NREP: variants seen among roughly 807,000 people sequenced by gnomAD.
The protein encoded by NREP is neuronal regeneration-related protein.
NREP carries 5 observed loss-of-function variants against 8.6 expected under a neutral mutation model. The ratio of observed to expected loss-of-function variants is 0.58; its 90% CI spans 0.30 to 1.22. The LOEUF is 1.22. Among genes scored for constraint, NREP ranks in the 50% most tolerant of loss-of-function variants. The probability of loss-of-function intolerance (pLI) is 0.07; values close to 1 mark genes in which losing one functional copy is unlikely to be tolerated. For missense variants in NREP, 86 were observed against 82.5 expected, an observed-to-expected ratio of 1.04 and a Z score of -0.17; for synonymous variants, 27 against 28.0, an observed-to-expected ratio of 0.96 and a Z score of 0.11.
intron 2 of NREP, among the ~76,000 whole-genome samples, chr5:111,812,987 A>C (rs1752303452): frequency 6.6e-6 from 1 of 152,194 alleles, no homozygotes; most frequent in African/African-American, 2.4e-5. Flanking sequence ...TTTAACCTAC[A>C]CCAGCATAAC....
chr5:111,876,389 C>T (rs1753909906), intron 2 of NREP, among the ~76,000 whole-genome samples: 1 of 152,178 alleles, frequency 6.6e-6, no homozygotes, highest in East Asian at 1.9e-4. Context: ...AGCCCAACTT[C>T]ATTGGCCATT....
At chr5:111,972,449 A>G (rs1162459991) in intron 2 of NREP, among the ~76,000 whole-genome samples, 1 of 152,238 alleles carries the variant, frequency 6.6e-6, no homozygotes, top group Non-Finnish European at 1.5e-5. Flanking sequence ...CTCTTTGAAG[A>G]ATCATAATGG....
At chr5:111,915,544 A>G (rs527822975) in intron 2 of NREP, among the ~76,000 whole-genome samples, 1 of 152,092 alleles carries the variant, frequency 6.6e-6, no homozygotes, top group East Asian at 1.9e-4. Flanking sequence ...CTCTCTTCCA[A>G]CCATTCACAA....
intron 2 of NREP, among the ~76,000 whole-genome samples, chr5:111,802,087 A>C (rs1387925077): frequency 6.6e-6 from 1 of 152,192 alleles, no homozygotes; most frequent in Non-Finnish European, 1.5e-5. Flanking sequence ...AATTTAAATT[A>C]AAATAGAGGT....
At chr5:111,747,899 C>T (rs1750107214) in intron 2 of NREP, among the ~76,000 whole-genome samples, 1 of 152,162 alleles carries the variant, frequency 6.6e-6, no homozygotes, top group South Asian at 2.1e-4. Context: ...AGAAACCATT[C>T]TAAGGTCATA....
chr5:111,904,642 A>G (rs1373466092), intron 2 of NREP, among the ~76,000 whole-genome samples: 1 of 152,126 alleles, frequency 6.6e-6, no homozygotes, highest in Non-Finnish European at 1.5e-5. Flanking sequence ...AAAGAGCCCC[A>G]GGAACTTCAT....
At chr5:111,761,958 G>A (rs1750969517), upstream of NREP, among the ~76,000 whole-genome samples, 1 of 151,996 alleles carries the variant, frequency 6.6e-6, no homozygotes, top group African/African-American at 2.4e-5. Flanking sequence ...TTTTTTCCAG[G>A]GAAGGTTATT....
At chr5:111,910,476 A>T (rs918831190) in intron 2 of NREP, among the ~76,000 whole-genome samples, 1 of 152,050 alleles carries the variant, frequency 6.6e-6, no homozygotes, top group Admixed American at 6.6e-5. Context: ...GGCCTTAAGA[A>T]TGGAATAACT....
intron 2 of NREP, among the ~76,000 whole-genome samples, chr5:111,880,892 G>A (rs1264894924): frequency 6.6e-6 from 1 of 152,116 alleles, no homozygotes; most frequent in Non-Finnish European, 1.5e-5. Context: ...CTCCCAGCGT[G>A]AGCAACGCAG....
intron 2 of NREP, among the ~76,000 whole-genome samples, chr5:111,959,841 T>C (rs1455338173): frequency 1.3e-5 from 2 of 152,194 alleles, no homozygotes; most frequent in East Asian, 3.9e-4. Context: ...TCAAGCTGTA[T>C]ATTGTGGCTC....
Position 111,730,965 on chromosome 5 carries a change from T to G in NREP, c.163A>C (p.Ser55Arg), listed in dbSNP as rs776281492. 3.1e-6 allele frequency: 5 copies of G among 1,613,794 alleles called. No homozygotes were observed. The African/African-American group carries it at 5.3e-5, about 17-fold the overall frequency. The change falls in exon 4 of 4, where the codon AGT (serine) becomes CGT (arginine). Residue 55 changes from serine to arginine, a missense_variant. By Grantham distance (110) the Ser-to-Arg change is moderately radical. Transcript: ENST00000257435. Reference sequence around the variant, plus strand: ...CTGATTCTTGGGGAGCGGAGTTCACTGCTGCCCAGTGGAGTCAGGGAGGCA... The same window carrying G: ...CTGATTCTTGGGGAGCGGAGTTCACGGCTGCCCAGTGGAGTCAGGGAGGCA... ...NAASLTPLGS[S>R]ELRSPRISYL...
chr5:111,747,320 A>G (rs560202528), intron 2 of NREP, among the ~76,000 whole-genome samples: 3 of 152,172 alleles, frequency 2.0e-5, no homozygotes, highest in Non-Finnish European at 4.4e-5. Context: ...ACTTTATCCA[A>G]TGAAAGCGTC....
chr5:111,755,154 GATC>G (rs1484667680), intron 2 of NREP, among the ~76,000 whole-genome samples: 11 of 151,944 alleles, frequency 7.2e-5, no homozygotes, highest in Admixed American at 3.3e-4. Context: ...ATTCTCTGTG[GATC>G]ATAAGCTTTG....
intron 3 of NREP, among the ~76,000 whole-genome samples, chr5:111,731,363 A>G (rs1748545585): frequency 6.6e-6 from 1 of 151,290 alleles, no homozygotes; most frequent in African/African-American, 2.4e-5. Context: ...AGTTTCTAGT[A>G]TCAGATAGGG....
intron 2 of NREP, among the ~76,000 whole-genome samples, chr5:111,868,072 G>GA (rs1315000624): frequency 1.3e-5 from 2 of 151,260 alleles, no homozygotes; most frequent in Non-Finnish European, 3.0e-5. Context: ...TTAAAAATGA[G>GA]AAAAAAAAGA....
At chr5:111,937,812 T>C (rs1181384465) in intron 2 of NREP, among the ~76,000 whole-genome samples, 1 of 152,056 alleles carries the variant, frequency 6.6e-6, no homozygotes, top group East Asian at 1.9e-4. Context: ...GGCAGCAGCC[T>C]GTCACCCACA....
At chr5:111,832,007 G>A (rs182669697) in intron 2 of NREP, among the ~76,000 whole-genome samples, 156 of 152,218 alleles carry the variant, frequency 1.0e-3, no homozygotes, top group Non-Finnish European at 1.3e-3. Flanking sequence ...TTATAAGAAC[G>A]CTTTCTACCT....
intron 2 of NREP, among the ~76,000 whole-genome samples, chr5:111,899,373 G>C (rs1754588139): frequency 1.3e-5 from 2 of 152,056 alleles, no homozygotes; most frequent in South Asian, 4.1e-4. Flanking sequence ...AATTAGTCAG[G>C]TGTAATGGTG....
At chr5:111,881,452 T>C (rs924535506) in intron 2 of NREP, among the ~76,000 whole-genome samples, 1 of 152,198 alleles carries the variant, frequency 6.6e-6, no homozygotes, top group African/African-American at 2.4e-5. Context: ...TAAATGTCCC[T>C]GTCTGACAGC....
Sources: allele counts gnomAD v4.1 joint callset (sites outside exome capture counted in the v4.1 genomes callset), GRCh38; gene constraint gnomAD v4.1.1; transcripts MANE v1.5; gene names NCBI Gene and HGNC (gene_info 2026-07-23, HGNC 2026-07-21).